The following TPRG1 variants were observed in gnomAD, a reference collection of about 807,000 sequenced individuals.
TPRG1 encodes tumor protein p63-regulated gene 1 protein.
TPRG1 carries 29 observed loss-of-function variants against 29.3 expected under a neutral mutation model. The ratio of observed to expected loss-of-function variants is 0.99; its 90% CI spans 0.74 to 1.35. TPRG1 has a LOEUF of 1.35. Ranked by LOEUF, TPRG1 falls within the 40% of genes most tolerant of loss-of-function variation. The probability of loss-of-function intolerance (pLI) is 0.00; values close to 1 mark genes in which losing one functional copy is unlikely to be tolerated. For synonymous variants in TPRG1, 130 were observed against 116.8 expected (o/e 1.11, Z -0.73); for missense variants, 327 against 335.0 (o/e 0.98, Z 0.19).
At chr3:189,017,287 G>A (rs956840536) in intron 3 of TPRG1, among the ~76,000 whole-genome samples, 8 of 151,520 alleles carry the variant, frequency 5.3e-5, no homozygotes, top group Non-Finnish European at 7.4e-5. Flanking sequence ...GTGCAGGTTA[G>A]TTACATATGT....
At chr3:189,064,907 G>C (rs1360083781) in intron 4 of TPRG1, among the ~76,000 whole-genome samples, 1 of 152,116 alleles carries the variant, frequency 6.6e-6, no homozygotes, top group East Asian at 1.9e-4. Context: ...GAAATCTCAA[G>C]GTTGGCCACA....
intron 1 of TPRG1, among the ~76,000 whole-genome samples, chr3:189,203,938 G>A (rs1733893485): frequency 1.3e-5 from 2 of 151,520 alleles, no homozygotes; most frequent in African/African-American, 4.9e-5. Context: ...CTGCTCTGGA[G>A]GCTGAGGCAG....
At chr3:189,015,759 G>A (rs901753609) in intron 3 of TPRG1, among the ~76,000 whole-genome samples, 3 of 152,198 alleles carry the variant, frequency 2.0e-5, no homozygotes, top group Non-Finnish European at 4.4e-5. Flanking sequence ...GACCTTGGTG[G>A]TTTCTATGTG....
At chr3:189,175,592 G>C (rs1389119650) in intron 1 of TPRG1, among the ~76,000 whole-genome samples, 1 of 152,112 alleles carries the variant, frequency 6.6e-6, no homozygotes, top group Non-Finnish European at 1.5e-5. Context: ...GTCTGTGTAG[G>C]CACACCTTAG....
chr3:189,204,523 T>G (rs982060705), intron 1 of TPRG1, among the ~76,000 whole-genome samples: 3 of 152,180 alleles, frequency 2.0e-5, no homozygotes, highest in Non-Finnish European at 4.4e-5. Context: ...TCCCACTATT[T>G]ATGGCAGTGA....
chr3:189,039,408 T>C (rs532773122), intron 4 of TPRG1, among the ~76,000 whole-genome samples: 6 of 152,066 alleles, frequency 3.9e-5, no homozygotes, highest in African/African-American at 1.4e-4. Context: ...GTTAAATACA[T>C]GAATGATGTT....
chr3:189,126,445 GTTAT>G (rs1334533241), intron 1 of TPRG1, among the ~76,000 whole-genome samples: 1 of 152,140 alleles, frequency 6.6e-6, no homozygotes, highest in Non-Finnish European at 1.5e-5. Flanking sequence ...CTGGCCACTG[GTTAT>G]TTATAAATTG....
chr3:189,250,108 T>A (rs1741928005), intron 4 of TPRG1, among the ~76,000 whole-genome samples: 1 of 152,184 alleles, frequency 6.6e-6, no homozygotes, highest in Non-Finnish European at 1.5e-5. Context: ...CACTGGGGAC[T>A]GATGTAATTC....
chr3:189,049,354 GTGAGGCCTCTGAC>G (rs1307821121), intron 4 of TPRG1, among the ~76,000 whole-genome samples: 3 of 152,100 alleles, frequency 2.0e-5, no homozygotes, highest in Non-Finnish European at 4.4e-5. Context: ...TGGGAGCTGG[GTGAGGCCTCTGAC>G]TGCTTGCTTT....
chr3:189,242,694 A>G (rs1468912840), intron 4 of TPRG1, among the ~76,000 whole-genome samples: 3 of 151,828 alleles, frequency 2.0e-5, no homozygotes, highest in African/African-American at 7.3e-5. Flanking sequence ...ATATGAGTGG[A>G]GTTATCTTTT....
intron 1 of TPRG1, among the ~76,000 whole-genome samples, chr3:189,206,500 CTTTT>C (rs11336790): frequency 7.6e-6 from 1 of 131,190 alleles, no homozygotes; most frequent in Non-Finnish European, 1.6e-5. Context: ...GATGAACAAA[CTTTT>C]TTTTTTTTTT....
At chr3:189,178,754 C>A (rs1729830223) in intron 1 of TPRG1, among the ~76,000 whole-genome samples, 1 of 152,174 alleles carries the variant, frequency 6.6e-6, no homozygotes, top group Non-Finnish European at 1.5e-5. Flanking sequence ...CTGCCTTACT[C>A]TACTCATAAT....
intron 1 of TPRG1, among the ~76,000 whole-genome samples, chr3:189,107,639 A>G (rs1241918062): frequency 6.6e-6 from 1 of 152,118 alleles, no homozygotes; most frequent in African/African-American, 2.4e-5. Flanking sequence ...TTGTTCATTC[A>G]CCTGCATTCA....
intron 1 of TPRG1, among the ~76,000 whole-genome samples, chr3:189,205,432 C>A (rs1734177876): frequency 6.6e-6 from 1 of 152,130 alleles, no homozygotes; most frequent in Non-Finnish European, 1.5e-5. Flanking sequence ...TCAATAGCAC[C>A]CTTTTCATGC....
chr3:189,022,081 A>G (rs1259031772), intron 3 of TPRG1, among the ~76,000 whole-genome samples: 9 of 151,974 alleles, frequency 5.9e-5, no homozygotes, highest in Admixed American at 5.2e-4. Flanking sequence ...TTTCAGCTCC[A>G]TCAGCTCCTT....
intron 4 of TPRG1, among the ~76,000 whole-genome samples, chr3:189,242,029 T>A (rs1740693515): frequency 6.6e-6 from 1 of 152,116 alleles, no homozygotes; most frequent in African/African-American, 2.4e-5. Context: ...CATACTATAA[T>A]TATAAAGTAA....
At chr3:189,217,813 T>C (rs1186498916) in intron 3 of TPRG1, 1 of 983,942 alleles carries the variant, frequency 1.0e-6, no homozygotes, top group Non-Finnish European at 1.2e-6. Context: ...AGAGGAGCAT[T>C]CATGGAGGAT....
intron 3 of TPRG1, among the ~76,000 whole-genome samples, chr3:189,221,533 G>A (rs958780877): frequency 1.3e-5 from 2 of 152,154 alleles, no homozygotes; most frequent in Non-Finnish European, 2.9e-5. Flanking sequence ...ACAGAGAAAT[G>A]CTGTCTCTTG....
chr3:189,046,269 G>A lies in TPRG1; in HGVS notation c.-463+22323G>A, dbSNP rs114042949. Among the ~76,000 whole-genome samples the A allele has an allele frequency of 2.4e-3, 362 of 152,288 alleles. 4 individuals are homozygous for A. The highest frequency in any genetic ancestry group is 3.4e-3 in the Middle Eastern group (1 of 294). ...AATCTGGACAACATCTCTGTTGGTG[G>A]ACAGAGATTGTTGGTAAACCCTCTT... is the stretch of plus-strand genomic sequence containing the variant. On this transcript the variant is annotated intron_variant, in intron 4 of 10. Coordinates refer to the TPRG1 transcript ENST00000433971.
Sources: gnomAD v4.1 joint callset for allele counts (sites outside exome capture counted in the v4.1 genomes callset) on GRCh38, gnomAD v4.1.1 for gene constraint, MANE v1.5 for transcripts, NCBI Gene and HGNC (gene_info 2026-07-23, HGNC 2026-07-21) for gene names.